NEDD4: variants seen among roughly 807,000 people sequenced by gnomAD.
The protein encoded by NEDD4 is E3 ubiquitin-protein ligase NEDD4.
Under a neutral mutation model 144.9 loss-of-function variants are expected in NEDD4, and 99 were observed. The observed-to-expected ratio is 0.68, with a 90% CI of 0.58 to 0.81. The LOEUF is 0.81. NEDD4 is among the 30% of genes least tolerant of loss of function. NEDD4 has a pLI of 0.00. For missense variants in NEDD4, 985 were observed against 1,065.9 expected (o/e 0.92, Z 1.06); for synonymous variants, 318 against 350.6 (o/e 0.91, Z 1.04).
intron 5 of NEDD4, among the ~76,000 whole-genome samples, chr15:55,879,358 T>C (rs2035103545): frequency 6.6e-6 from 1 of 152,074 alleles, no homozygotes. Flanking sequence ...GGAAAGAAAA[T>C]TCCTCTCTGG....
chr15:55,978,047 T>C (rs1566976130), intron 1 of NEDD4, among the ~76,000 whole-genome samples: 3 of 152,334 alleles, frequency 2.0e-5, no homozygotes, highest in South Asian at 2.1e-4. Flanking sequence ...ATAATTTATA[T>C]GACCTTAACT....
chr15:55,962,316 T>A (rs1451186235), intron 2 of NEDD4, among the ~76,000 whole-genome samples: 2 of 152,232 alleles, frequency 1.3e-5, no homozygotes, highest in African/African-American at 4.8e-5. Context: ...TCTTGTTTTT[T>A]AATTTATCCT....
intron 5 of NEDD4, among the ~76,000 whole-genome samples, chr15:55,904,357 C>T (rs1315228361): frequency 6.6e-6 from 1 of 152,018 alleles, no homozygotes; most frequent in African/African-American, 2.4e-5. Flanking sequence ...GACTGGAGTG[C>T]AGTGGCTCGA....
intron 28 of NEDD4, among the ~76,000 whole-genome samples, 187 bp downstream of exon 28, chr15:55,830,326 TG>T (rs1461659817): frequency 6.6e-6 from 1 of 152,224 alleles, no homozygotes; most frequent in Non-Finnish European, 1.5e-5. Context: ...TTCAGCTACC[TG>T]GACTTCAAGC....
intron 4 of NEDD4, among the ~76,000 whole-genome samples, chr15:55,936,095 A>G (rs985015697): frequency 6.6e-6 from 1 of 152,120 alleles, no homozygotes; most frequent in African/African-American, 2.4e-5. Context: ...CTTCAAGTCT[A>G]TAACTTGAAG....
rs547524091 is a variant in NEDD4 at position 55,968,632 on chromosome 15, A to C, written c.46-2086T>G. Among the ~76,000 whole-genome samples, 314 of 152,328 alleles carry C rather than the reference A, an allele frequency of 2.1e-3. 1 individual carries two copies. Among genetic ancestry groups the C allele is most frequent in the African/African-American group, 7.4e-3 (307 of 41,584 alleles). ...ATATAGAATGGCTAAGAAATACATGAAAAGATAATCTCACCGGTCAGCAGA... is the reference window on the plus strand; with the variant it reads ...ATATAGAATGGCTAAGAAATACATGCAAAGATAATCTCACCGGTCAGCAGA... On this transcript the variant is annotated intron_variant, in intron 1 of 28. Transcript: ENST00000435532.
chr15:55,882,890 TA>T (rs1474736135), intron 5 of NEDD4, among the ~76,000 whole-genome samples: 1 of 152,178 alleles, frequency 6.6e-6, no homozygotes, highest in Non-Finnish European at 1.5e-5. Context: ...TCAGCAGCAG[TA>T]ACCAGATAGT....
intron 2 of NEDD4, among the ~76,000 whole-genome samples, chr15:55,961,866 T>G (rs2037432495): frequency 6.6e-6 from 1 of 152,198 alleles, no homozygotes; most frequent in Non-Finnish European, 1.5e-5. Flanking sequence ...GAATGTACAT[T>G]TGAAAAGAAA....
intron 24 of NEDD4, among the ~76,000 whole-genome samples, chr15:55,834,947 G>C (rs2033128267): frequency 6.6e-6 from 1 of 152,070 alleles, no homozygotes; most frequent in Admixed American, 6.6e-5. Context: ...CTTCTTTCAG[G>C]CTAGGCCTGC....
intron 4 of NEDD4, among the ~76,000 whole-genome samples, chr15:55,943,381 G>C (rs573334624): frequency 1.1e-4 from 17 of 152,286 alleles, no homozygotes; most frequent in African/African-American, 3.8e-4. Flanking sequence ...AGGACTAGAA[G>C]GGAAGAATGA....
rs541300274 is a variant in NEDD4, at chr15:55,956,964, A to G, written c.120-5375T>C. ...TATCCATTGATTTATGTTGTCTTCG[A>G]CTTCTCTCAGCACTGTTTTATAGTT... is the stretch of plus-strand genomic sequence containing the variant. On this transcript the variant is annotated intron_variant, in intron 2 of 28. Coordinates refer to ENST00000435532, the MANE Select transcript of NEDD4 (RefSeq NM_006154.4). 1.1e-4 allele frequency among the ~76,000 whole-genome samples: 17 copies of G among 152,284 alleles called. No individual in the cohort carries two copies. In the South Asian group the frequency reaches 3.5e-3, roughly 32 times the overall value.
At chr15:55,856,965 G>C (rs1231565443) in intron 11 of NEDD4, among the ~76,000 whole-genome samples, 5 of 152,152 alleles carry the variant, frequency 3.3e-5, no homozygotes, top group African/African-American at 2.4e-5. Flanking sequence ...CTTTCAATAG[G>C]AGACTGGTGA....
chr15:55,940,013 T>A (rs571926227), intron 4 of NEDD4, among the ~76,000 whole-genome samples: 2 of 152,240 alleles, frequency 1.3e-5, no homozygotes, highest in South Asian at 4.1e-4. Context: ...ATACATACAA[T>A]AGAATATTAT....
chr15:55,936,854 G>A (rs760325601), intron 4 of NEDD4, among the ~76,000 whole-genome samples: 4 of 150,690 alleles, frequency 2.7e-5, no homozygotes, highest in Non-Finnish European at 5.9e-5. Flanking sequence ...GCACAATGGT[G>A]TGAACTCGGC....
At chr15:55,983,231 G>A (rs904532874) in intron 1 of NEDD4, among the ~76,000 whole-genome samples, 48 of 152,114 alleles carry the variant, frequency 3.2e-4, no homozygotes, top group Admixed American at 3.1e-3. Flanking sequence ...CAAATGTTAA[G>A]CATATGAGGA....
At chr15:55,911,718 C>T (rs549509083) in intron 5 of NEDD4, among the ~76,000 whole-genome samples, 2 of 151,958 alleles carry the variant, frequency 1.3e-5, no homozygotes, top group Admixed American at 1.3e-4. Flanking sequence ...TTAGTAGAGA[C>T]GGGGTTTCAC....
intron 2 of NEDD4, among the ~76,000 whole-genome samples, chr15:55,959,555 G>T (rs2037393418): frequency 6.6e-6 from 1 of 152,178 alleles, no homozygotes. Flanking sequence ...TGTTCTTTGT[G>T]TTCCTCTCCT....
chr15:55,830,299 G>C (rs1240035202), intron 28 of NEDD4, among the ~76,000 whole-genome samples: 11 of 152,198 alleles, frequency 7.2e-5, no homozygotes. Flanking sequence ...ACTCAGTTTA[G>C]GTGGGTCTCT....
intron 4 of NEDD4, among the ~76,000 whole-genome samples, chr15:55,945,816 C>T (rs2037101398): frequency 1.3e-5 from 2 of 152,006 alleles, no homozygotes. Flanking sequence ...AATCTCTCAG[C>T]AGAAACCTTA....
Sources: gnomAD v4.1 joint callset for allele counts (sites outside exome capture counted in the v4.1 genomes callset) on GRCh38, gnomAD v4.1.1 for gene constraint, MANE v1.5 for transcripts, NCBI Gene and HGNC (gene_info 2026-07-23, HGNC 2026-07-21) for gene names.